Variants in IGSF11 observed in about 807,000 individuals in gnomAD.
IGSF11 encodes CXADR like 1.
IGSF11 carries 22 observed loss-of-function variants against 41.0 expected under a neutral mutation model. That is an observed-to-expected ratio of 0.54 (90% CI 0.38 to 0.77). IGSF11 has a LOEUF of 0.77. IGSF11 is among the 30% of genes least tolerant of loss of function. IGSF11 has a pLI of 0.00. For synonymous variants in IGSF11, 219 were observed against 201.3 expected (o/e 1.09, Z -0.74); for missense variants, 444 against 530.8 (o/e 0.84, Z 1.61).
At chr3:119,066,461 T>C (rs570855958) in intron 1 of IGSF11, among the ~76,000 whole-genome samples, 1 of 152,338 alleles carries the variant, frequency 6.6e-6, no homozygotes, top group Admixed American at 6.5e-5. Flanking sequence ...CTCTATCTTC[T>C]CTCTGGATCT....
intron 4 of IGSF11, among the ~76,000 whole-genome samples, chr3:118,924,189 T>C (rs1356772695): frequency 1.3e-5 from 2 of 152,132 alleles, no homozygotes; most frequent in Non-Finnish European, 1.5e-5. Context: ...TGAATTGTCC[T>C]AGATTTGGCC....
At chr3:119,019,940 G>T (rs1039443164) in intron 1 of IGSF11, among the ~76,000 whole-genome samples, 6 of 152,134 alleles carry the variant, frequency 3.9e-5, no homozygotes, top group African/African-American at 1.4e-4. Flanking sequence ...ATTAGGTCGT[G>T]ATGGTGGAGC....
intron 1 of IGSF11, among the ~76,000 whole-genome samples, chr3:119,045,497 C>G (rs937819783): frequency 2.0e-5 from 3 of 152,198 alleles, no homozygotes; most frequent in African/African-American, 7.2e-5. Context: ...GGGTCCTACT[C>G]CACGGAGTCT....
intron 1 of IGSF11, among the ~76,000 whole-genome samples, chr3:119,071,850 G>T (rs529861582): frequency 6.6e-6 from 1 of 152,224 alleles, no homozygotes; most frequent in African/African-American, 2.4e-5. Context: ...GAATCAGCTT[G>T]TCAATTTCTG....
At chr3:119,100,071 A>C (rs2076917197) in intron 1 of IGSF11, among the ~76,000 whole-genome samples, 1 of 152,242 alleles carries the variant, frequency 6.6e-6, no homozygotes, top group East Asian at 1.9e-4. Context: ...CATGCAACTT[A>C]AAATATAAAT....
At chr3:118,958,396 T>G (rs1267891106) in intron 1 of IGSF11, among the ~76,000 whole-genome samples, 4 of 152,210 alleles carry the variant, frequency 2.6e-5, no homozygotes, top group Admixed American at 2.6e-4. Context: ...ACATAGAATA[T>G]TTTGTAACTA....
intron 1 of IGSF11, among the ~76,000 whole-genome samples, chr3:119,019,361 C>T (rs1330148050): frequency 6.7e-6 from 1 of 149,134 alleles, no homozygotes; most frequent in Non-Finnish European, 1.5e-5. Context: ...CCACTTCTCA[C>T]TCACACACAC....
In IGSF11 at chr3:118,902,013, T is replaced by A. The variant is rs1021957784; in HGVS notation, c.*507A>T. 1 of 152,418 alleles carries A rather than the reference T, an allele frequency of 6.6e-6. No homozygotes were observed. The highest frequency in any genetic ancestry group is 1.5e-5 in the Non-Finnish European group (1 of 68,246). The allele number at this position is 152,418 out of a possible 1,614,324, so 9.4% of individuals were successfully genotyped here. ...AAGTTTTGATTATATGATAGAAGAG[T>A]CAGCCCTGTTGGGACCAATATTAAC... is the stretch of plus-strand genomic sequence containing the variant. On this transcript the variant is annotated 3_prime_UTR_variant, in exon 7 of 7. Transcript: ENST00000393775.
chr3:119,057,161 TA>T (rs1437455063), intron 1 of IGSF11, among the ~76,000 whole-genome samples: 25 of 152,184 alleles, frequency 1.6e-4, no homozygotes, highest in Admixed American at 1.2e-3. Context: ...GGTATTCAAT[TA>T]GGAAAAGAGG....
At chr3:119,092,138 A>C (rs2076773171) in intron 1 of IGSF11, among the ~76,000 whole-genome samples, 1 of 151,898 alleles carries the variant, frequency 6.6e-6, no homozygotes, top group Admixed American at 6.6e-5. Context: ...CAGACTCCTA[A>C]GTATGTGGGA....
At chr3:118,996,397 C>T (rs1011010713) in intron 1 of IGSF11, among the ~76,000 whole-genome samples, 1 of 152,170 alleles carries the variant, frequency 6.6e-6, no homozygotes, top group Non-Finnish European at 1.5e-5. Flanking sequence ...CCACCACTTC[C>T]ATCACCACTG....
chr3:118,989,810 T>C (rs1288140489), intron 1 of IGSF11, among the ~76,000 whole-genome samples: 1 of 152,226 alleles, frequency 6.6e-6, no homozygotes, highest in Non-Finnish European at 1.5e-5. Flanking sequence ...GAGCAATGAA[T>C]AGAGTGACAT....
chr3:119,001,922 CA>C (rs1936930551), intron 1 of IGSF11, among the ~76,000 whole-genome samples: 1 of 135,566 alleles, frequency 7.4e-6, no homozygotes, highest in South Asian at 2.5e-4. Flanking sequence ...AATAATGCCG[CA>C]ATAAACATAA....
chr3:119,077,065 A>G (rs1205026424), intron 1 of IGSF11, among the ~76,000 whole-genome samples: 1 of 152,228 alleles, frequency 6.6e-6, no homozygotes, highest in Non-Finnish European at 1.5e-5. Flanking sequence ...TGGCACATAT[A>G]CACCATGGAA....
chr3:118,913,760 C>G (rs538789697), intron 4 of IGSF11, among the ~76,000 whole-genome samples: 1 of 151,762 alleles, frequency 6.6e-6, no homozygotes, highest in Non-Finnish European at 1.5e-5. Context: ...TAAATAAAAC[C>G]GTAATGTATA....
chr3:118,935,557 CA>C (rs970546017), intron 1 of IGSF11, among the ~76,000 whole-genome samples: 14 of 151,684 alleles, frequency 9.2e-5, no homozygotes, highest in African/African-American at 3.1e-4. Flanking sequence ...GAGGACTACA[CA>C]AAGGGAATAA....
intron 1 of IGSF11, among the ~76,000 whole-genome samples, chr3:119,104,333 T>C (rs1328109665): frequency 2.0e-5 from 3 of 152,180 alleles, no homozygotes; most frequent in Non-Finnish European, 2.9e-5. Context: ...TATTACAACA[T>C]ATCGAATTTC....
intron 1 of IGSF11, among the ~76,000 whole-genome samples, chr3:119,097,615 T>C (rs2076875073): frequency 6.6e-6 from 1 of 152,184 alleles, no homozygotes; most frequent in African/African-American, 2.4e-5. Context: ...GTTTGGCCTC[T>C]ATCAGAGGGT....
chr3:119,136,832 C>T (rs563812805), intron 1 of IGSF11, among the ~76,000 whole-genome samples: 16 of 151,870 alleles, frequency 1.1e-4, no homozygotes, highest in East Asian at 3.9e-4. Flanking sequence ...GGAAAAACCT[C>T]GGGACTCCAC....
Sources: allele counts gnomAD v4.1 joint callset (sites outside exome capture counted in the v4.1 genomes callset), GRCh38; gene constraint gnomAD v4.1.1; transcripts MANE v1.5; gene names NCBI Gene and HGNC (gene_info 2026-07-23, HGNC 2026-07-21).